CCDC18: variants seen among roughly 807,000 people sequenced by gnomAD.
The protein encoded by CCDC18 is coiled-coil domain containing 18, also known as coiled-coil domain-containing protein 18.
In CCDC18, 157 loss-of-function variants were observed where a neutral mutation model predicts 196.0. That is an observed-to-expected ratio of 0.80 (90% confidence interval 0.70 to 0.91). CCDC18 has a LOEUF of 0.91. Ranked by LOEUF, CCDC18 falls within the 40% of genes least tolerant of loss-of-function variation. The probability of loss-of-function intolerance (pLI) is 0.00; values close to 1 mark genes in which losing one functional copy is unlikely to be tolerated. For missense variants in CCDC18, 1,465 were observed against 1,611.6 expected (o/e 0.91, Z 1.56); for synonymous variants, 482 against 529.2 (o/e 0.91, Z 1.22).
chr1:93,226,532 TA>T, intron 17 of CCDC18, 83 bp downstream of exon 17: 1 of 367,338 alleles, frequency 2.7e-6, no homozygotes, highest in African/African-American at 2.2e-5. Flanking sequence ...AAAATATATA[TA>T]TATATATATA....
chr1:93,212,858 T>A (rs1041506291), intron 11 of CCDC18, among the ~76,000 whole-genome samples: 5 of 152,186 alleles, frequency 3.3e-5, no homozygotes, highest in Admixed American at 2.6e-4. Flanking sequence ...TATATTATTA[T>A]CATATTGATG....
intron 17 of CCDC18, 98 bp downstream of exon 17, chr1:93,226,547 C>T: frequency 6.3e-6 from 2 of 318,988 alleles, no homozygotes; most frequent in East Asian, 7.0e-5. Flanking sequence ...ATATATATTT[C>T]TTTTGAGACA....
intron 27 of CCDC18, 71 bp from the exon 28 acceptor site, chr1:93,270,276 T>C: frequency 1.2e-6 from 1 of 833,270 alleles, no homozygotes; most frequent in Non-Finnish European, 1.9e-6. Context: ...TAAAAGTCTA[T>C]GATTTTCTAA....
intron 26 of CCDC18, 34 bp from the exon 27 acceptor site, chr1:93,264,667 A>ATTTTTTTTT (rs746113534): frequency 3.0e-6 from 4 of 1,320,042 alleles, no homozygotes; most frequent in Non-Finnish European, 3.2e-6. Flanking sequence ...CCATTTTTTT[A>ATTTTTTTTT]TTTTTTTTCT....
rs761568879 is a variant in CCDC18 at position 93,183,494 on chromosome 1, A to G, written c.133A>G (p.Ser45Gly). Residue 45 changes from serine (S) to glycine (G), a missense_variant and splice_region_variant, in exon 2 of 29, where the codon AGT becomes GGT. Ser to Gly is a moderately conservative substitution (Grantham distance 56, BLOSUM62 0). Coordinates refer to ENST00000690025, the MANE Select transcript of CCDC18 (RefSeq NM_001378204.1). ...SLQSLGEELS[S>G]VSPSENSDYA... ...GCAGAGTTTAGGGGAAGAGTTATCCAGGTAAGTAAGTAAAATCACATATAG... is the reference window on the plus strand; with the variant it reads ...GCAGAGTTTAGGGGAAGAGTTATCCGGGTAAGTAAGTAAAATCACATATAG... 6.3e-7 allele frequency: 1 copy of G among 1,580,306 alleles called. No individual in the cohort carries two copies. The highest frequency in any genetic ancestry group is 1.8e-5 in the Admixed American group (1 of 54,850).
At chr1:93,194,344 A>G (rs1017349937) in intron 6 of CCDC18, among the ~76,000 whole-genome samples, 1 of 152,320 alleles carries the variant, frequency 6.6e-6, no homozygotes, top group East Asian at 1.9e-4. Flanking sequence ...GTTTAAACTA[A>G]TAAGATTTTA....
Position 93,207,251 on chromosome 1 carries a change from TAG to T in CCDC18, c.1066_1067del (p.Asp356GlnfsTer7). On this transcript the variant is annotated frameshift_variant, in exon 9 of 29. Transcript: ENST00000690025. LOFTEE classifies it high-confidence loss of function. ...SELENKDEIL[R>X]DKFSLMNENR... ...AGTTAGAGAACAAAGACGAAATACT[TAG>T]AGACAAATTTTCTTTAATGAATGAA... is the stretch of plus-strand genomic sequence containing the variant. 1 of 1,613,610 alleles carries T rather than the reference TAG, an allele frequency of 6.2e-7. No individual in the cohort carries two copies. Among genetic ancestry groups the T allele is most frequent in the Non-Finnish European group, 8.5e-7 (1 of 1,179,712 alleles).
chr1:93,184,386 A>G (rs1323720085), intron 3 of CCDC18, among the ~76,000 whole-genome samples: 2 of 151,912 alleles, frequency 1.3e-5, no homozygotes, highest in African/African-American at 4.8e-5. Context: ...AAACTTACAT[A>G]TTTATTACCT....
chr1:93,271,564 G>A, intron 28 of CCDC18: 4 of 977,992 alleles, frequency 4.1e-6, no homozygotes, highest in Non-Finnish European at 4.9e-6. Flanking sequence ...GCTGGGTGCA[G>A]TGGCACATGC....
At position 93,184,102 on chromosome 1, in the gene CCDC18, A is replaced by G. The variant is rs1321279664; in HGVS notation, c.259A>G (p.Ile87Val). The part of the protein sequence containing the change: ...NYSPYENVCK[I>V]SGSSTDFQKK... ...TTCACCTTATGAAAACGTCTGTAAA[A>G]TATCTGGTAGCAGCACTGATTTTCA... Residue 87 changes from isoleucine (I) to valine (V), a missense_variant, in exon 3 of 29, where the codon ATA becomes GTA. Physicochemically the swap from Ile to Val is conservative, Grantham distance 29. Coordinates refer to ENST00000690025, the MANE Select transcript of CCDC18 (RefSeq NM_001378204.1). The G allele has an allele frequency of 6.4e-7, 1 of 1,565,974 alleles. No homozygotes were observed.
At position 93,257,629 on chromosome 1, in the gene CCDC18, G is replaced by A. The variant is rs189305638; in HGVS notation, c.3546+1091G>A. On this transcript the variant is annotated intron_variant, in intron 25 of 28. Coordinates refer to ENST00000690025, the MANE Select transcript of CCDC18 (RefSeq NM_001378204.1). ...ATGTTGTTATTCACATTTCTGGATG[G>A]TTAGACCAGTAAAGCATACATAGAG... Among the ~76,000 whole-genome samples, 685 of 152,050 alleles carry A rather than the reference G, an allele frequency of 4.5e-3. 1 individual carries two copies. The highest frequency in any genetic ancestry group is 7.3e-3 in the Non-Finnish European group (498 of 67,952).
At chr1:93,265,933 A>T in intron 27 of CCDC18, among the ~76,000 whole-genome samples, 1 of 152,234 alleles carries the variant, frequency 6.6e-6, no homozygotes, top group East Asian at 1.9e-4. Context: ...TCAGCTCTGC[A>T]CCAAGCAGAC....
intron 17 of CCDC18, 24 bp from the exon 18 acceptor site, chr1:93,232,402 G>GAT (rs1452390578): frequency 7.2e-6 from 10 of 1,383,398 alleles, no homozygotes; most frequent in Middle Eastern, 1.9e-4. Context: ...ATTGTATTGA[G>GAT]AGATATATAT....
At chr1:93,203,045 C>G (rs1194408257) in intron 7 of CCDC18, among the ~76,000 whole-genome samples, 1 of 152,068 alleles carries the variant, frequency 6.6e-6, no homozygotes, top group Admixed American at 6.6e-5. Context: ...AGGAAGCTCA[C>G]CCTGATGTCA....
At chr1:93,188,447 T>G (rs1651101399) in intron 4 of CCDC18, among the ~76,000 whole-genome samples, 1 of 152,204 alleles carries the variant, frequency 6.6e-6, no homozygotes, top group Non-Finnish European at 1.5e-5. Flanking sequence ...ATTCTTTCTG[T>G]ATTTGGAGCA....
chr1:93,181,739 C>A (rs987235782), intron 1 of CCDC18, among the ~76,000 whole-genome samples: 1 of 152,004 alleles, frequency 6.6e-6, no homozygotes, highest in East Asian at 1.9e-4. Context: ...CTCAGCCTCC[C>A]GAGTAGCTGA....
upstream of CCDC18, chr1:93,180,203 G>A: frequency 6.2e-7 from 1 of 1,613,266 alleles, no homozygotes; most frequent in Non-Finnish European, 8.5e-7. Flanking sequence ...AGAGCGGCCA[G>A]AAGGAGCACG....
chr1:93,235,232 A>G (rs894956534), intron 18 of CCDC18, among the ~76,000 whole-genome samples: 1 of 152,142 alleles, frequency 6.6e-6, no homozygotes, highest in Non-Finnish European at 1.5e-5. Context: ...CCACAGTCAT[A>G]TAAATATTCA....
chr1:93,180,199 G>T (rs755792843), upstream of CCDC18: 1 of 1,613,204 alleles, frequency 6.2e-7, no homozygotes, highest in South Asian at 1.1e-5. Context: ...AGGCAGAGCG[G>T]CCAGAAGGAG....
Sources: gnomAD v4.1 joint callset for allele counts (sites outside exome capture counted in the v4.1 genomes callset) on GRCh38, gnomAD v4.1.1 for gene constraint, MANE v1.5 for transcripts, NCBI Gene and HGNC (gene_info 2026-07-23, HGNC 2026-07-21) for gene names.